The following KDR variants were observed in gnomAD, a reference collection of about 807,000 sequenced individuals.
The protein encoded by KDR is vascular endothelial growth factor receptor 2.
In KDR, 43 loss-of-function variants were observed where a neutral mutation model predicts 160.9. The ratio of observed to expected loss-of-function variants is 0.27; its 90% CI spans 0.21 to 0.34. KDR has a LOEUF of 0.34. Ranked by LOEUF, KDR falls within the 10% of genes least tolerant of loss-of-function variation. The pLI is 1.00. For synonymous variants in KDR, 617 were observed against 600.1 expected (o/e 1.03, Z -0.41); for missense variants, 1,469 against 1,666.4 (o/e 0.88, Z 2.06).
rs2110015319 is a variant in KDR at position 55,094,925 on chromosome 4, C to A, written c.2848G>T (p.Asp950Tyr). The change falls in exon 21 of 30, where the codon GAC (aspartate) becomes TAC (tyrosine). Residue 950 changes from aspartate to tyrosine, a missense_variant. By Grantham distance (160) the Asp-to-Tyr change is radical. Around this residue, in one of 7 missense-constraint regions of KDR, gnomAD observed 151 missense variants for 207.2 expected, o/e 0.73. Coordinates refer to ENST00000263923, the MANE Select transcript of KDR (RefSeq NM_002253.4). The part of the protein sequence containing the change: ...TKGARFRQGK[D>Y]YVGAIPVDLK... ...TCCACAGGGATTGCTCCAACGTAGT[C>A]TTTCCCTTGACGGAATCGTGCCCCT... The A allele has an allele frequency of 6.2e-7, 1 of 1,613,994 alleles. No homozygotes were observed. Among genetic ancestry groups the A allele is most frequent in the Non-Finnish European group, 8.5e-7 (1 of 1,179,910 alleles).
chr4:55,103,223 G>T (rs1720359490), intron 13 of KDR, among the ~76,000 whole-genome samples: 1 of 152,128 alleles, frequency 6.6e-6, no homozygotes, highest in African/African-American at 2.4e-5. Context: ...AAGTGTACAA[G>T]AACACTTTAG....
At chr4:55,080,878 C>T (rs962465878) in intron 29 of KDR, among the ~76,000 whole-genome samples, 2 of 152,084 alleles carry the variant, frequency 1.3e-5, no homozygotes, top group African/African-American at 2.4e-5. Context: ...GGTGTTTTTT[C>T]CCGGTAATAG....
intron 22 of KDR, chr4:55,092,337 G>A: frequency 2.3e-6 from 1 of 443,404 alleles, no homozygotes; most frequent in South Asian, 2.1e-5. Context: ...TGAAGGTGAA[G>A]AGCTTTGCCT....
In KDR at chr4:55,124,317, A is replaced by G. The variant is rs145130805; in HGVS notation, c.67+910T>C. Among the ~76,000 whole-genome samples, 595 of 152,152 alleles carry G rather than the reference A, an allele frequency of 3.9e-3. 1 individual carries two copies. The highest frequency in any genetic ancestry group is 6.8e-3 in the Middle Eastern group (2 of 294). On this transcript the variant is annotated intron_variant, in intron 1 of 29. Transcript: ENST00000263923. ...TGGCTGCAGGAAAGAAATATTATCTAAGGGGTTGAGAGAGAAAGGAAAGTG... is the reference window on the plus strand; with the variant it reads ...TGGCTGCAGGAAAGAAATATTATCTGAGGGGTTGAGAGAGAAAGGAAAGTG...
At chr4:55,080,225 C>T in intron 29 of KDR, 62 bp from the exon 30 acceptor site, 1 of 1,480,164 alleles carries the variant, frequency 6.8e-7, no homozygotes, top group Non-Finnish European at 9.4e-7. Context: ...TGCTTTTTAC[C>T]CTCACCCCAT....
rs774833348 is a variant in KDR, at chr4:55,107,808, G to C, written c.1341C>G (p.Val447=). 10 of 1,613,846 alleles carry C rather than the reference G, an allele frequency of 6.2e-6. No individual in the cohort carries two copies. The East Asian group carries it at 1.1e-4, about 18-fold the overall frequency. The change falls in exon 10 of 30, where the codon GTC becomes GTG. Residue 447 remains valine (V), a synonymous_variant. Transcript: ENST00000263923. Reference sequence around the variant, plus strand: ...TGTGATGCGGGGGAGGAATGGCATAGACCGTACATGTCAGCGTTTGAGTGG... The same window carrying C: ...TGTGATGCGGGGGAGGAATGGCATACACCGTACATGTCAGCGTTTGAGTGG... The part of the protein sequence containing the change: ...YGTTQTLTCT[V]YAIPPPHHIH...
chr4:55,122,293 G>T (rs1720901151), intron 1 of KDR, among the ~76,000 whole-genome samples: 1 of 152,114 alleles, frequency 6.6e-6, no homozygotes, highest in African/African-American at 2.4e-5. Context: ...AAGAAAAATT[G>T]TCCACTATGC....
At chr4:55,108,968 G>A (rs140507383) in intron 9 of KDR, among the ~76,000 whole-genome samples, 106 of 152,108 alleles carry the variant, frequency 7.0e-4, no homozygotes, top group African/African-American at 2.2e-3. Context: ...TTTGCTGTCC[G>A]TGTTTTGTTT....
rs147250942 is a variant in KDR at position 55,122,556 on chromosome 4, T to A, written c.68-1366A>T. On this transcript the variant is annotated intron_variant, in intron 1 of 29. Transcript: ENST00000263923. ...AGTGCATTGAATCTGAGGATCCCAA[T>A]ATGAACAAATGCAGGCAAAATGAAT... is the stretch of plus-strand genomic sequence containing the variant. Among the ~76,000 whole-genome samples the A allele has an allele frequency of 1.2e-3, 189 of 152,322 alleles. 1 individual carries two copies. The highest frequency in any genetic ancestry group is 4.1e-3 in the Admixed American group (62 of 15,302).
intron 2 of KDR, among the ~76,000 whole-genome samples, chr4:55,120,830 G>A (rs1370467634): frequency 9.3e-6 from 1 of 107,554 alleles, no homozygotes; most frequent in Non-Finnish European, 1.8e-5. Flanking sequence ...TGGAATGTGG[G>A]TGTGGGTGTG....
chr4:55,088,977 G>C lies in KDR; in HGVS notation c.3405-4C>G. 1.2e-6 allele frequency: 2 copies of C among 1,603,340 alleles called. No individual in the cohort carries two copies. Among genetic ancestry groups the C allele is most frequent in the South Asian group, 1.1e-5 (1 of 90,756 alleles). ...GCAGTCCAGCATGGTCTGGTACCTA[G>C]AGAAGCAAAACACTGATTTCATTAA... On this transcript the variant is annotated splice_region_variant and splice_polypyrimidine_tract_variant and intron_variant, in intron 25 of 29. Transcript: ENST00000263923.
intron 2 of KDR, 148 bp downstream of exon 2, chr4:55,120,949 C>T (rs1232255898): frequency 9.9e-6 from 6 of 605,700 alleles, no homozygotes; most frequent in Non-Finnish European, 1.7e-5. Flanking sequence ...TTCTCATTTT[C>T]CATTATTACA....
chr4:55,124,044 G>C (rs1273345197), intron 1 of KDR, among the ~76,000 whole-genome samples: 1 of 152,240 alleles, frequency 6.6e-6, no homozygotes, highest in Non-Finnish European at 1.5e-5. Context: ...GAGAGGGCTT[G>C]TCTGGGACAA....
chr4:55,115,967 A>G (rs1471477535), intron 3 of KDR, among the ~76,000 whole-genome samples: 1 of 152,232 alleles, frequency 6.6e-6, no homozygotes, highest in Non-Finnish European at 1.5e-5. Flanking sequence ...CAAGAGGACC[A>G]TTCATGTGAG....
intron 22 of KDR, among the ~76,000 whole-genome samples, chr4:55,091,107 C>A (rs1038898843): frequency 6.6e-6 from 1 of 152,146 alleles, no homozygotes. Flanking sequence ...CACACCTTGG[C>A]CTCCCAAAGT....
In KDR at chr4:55,113,205, T is replaced by G. The variant is rs1432751483; in HGVS notation, c.976+99A>C. 11 of 1,304,730 alleles carry G rather than the reference T, an allele frequency of 8.4e-6. No individual in the cohort carries two copies. In the Admixed American group the frequency reaches 1.9e-4, roughly 22 times the overall value. The allele number at this position is 1,304,730 out of a possible 1,614,324, so 80.8% of individuals were successfully genotyped here. A position where few individuals can be genotyped will look rare whatever the true frequency, so the allele number is the denominator to read the frequency against. On this transcript the variant is annotated intron_variant, in intron 7 of 29. Transcript: ENST00000263923. ...CCCTAACAAGAAAAACTAGAAACTATCTTCTGAATGAACAAAATAGGAATC... is the reference window on the plus strand; with the variant it reads ...CCCTAACAAGAAAAACTAGAAACTAGCTTCTGAATGAACAAAATAGGAATC...
rs375490316 is a variant in KDR at position 55,079,409 on chromosome 4, T to C, written c.*532A>G. The stretch of plus-strand genomic sequence containing the variant: ...AACACAATGCATTTGCAGGCTCCAG[T>C]ACTCTCCAAAGCAAGGTAACGTTAG... On this transcript the variant is annotated 3_prime_UTR_variant, in exon 30 of 30. Transcript: ENST00000263923. 1 of 270,556 alleles carries C rather than the reference T, an allele frequency of 3.7e-6. No homozygotes were observed. The highest frequency in any genetic ancestry group is 7.2e-6 in the Non-Finnish European group (1 of 139,580). The allele number at this position is 270,556 out of a possible 1,614,324, so 16.8% of individuals were successfully genotyped here.
At chr4:55,123,461 A>C (rs1367943300) in intron 1 of KDR, among the ~76,000 whole-genome samples, 1 of 152,250 alleles carries the variant, frequency 6.6e-6, no homozygotes, top group Admixed American at 6.5e-5. Context: ...TGTAACAAAT[A>C]TTTTAAAAAA....
intron 3 of KDR, among the ~76,000 whole-genome samples, chr4:55,118,172 C>G (rs1192162645): frequency 6.6e-6 from 1 of 152,128 alleles, no homozygotes; most frequent in African/African-American, 2.4e-5. Flanking sequence ...AACTCCAGAG[C>G]CCTTGGCAAA....
Sources: allele counts gnomAD v4.1 joint callset (sites outside exome capture counted in the v4.1 genomes callset), GRCh38; gene constraint gnomAD v4.1.1; regional missense constraint gnomAD v4.1.1; transcripts MANE v1.5; gene names NCBI Gene and HGNC (gene_info 2026-07-23, HGNC 2026-07-21).